The following TPST2 variants were observed in gnomAD, a reference collection of about 807,000 sequenced individuals.
TPST2 encodes protein-tyrosine sulfotransferase 2.
Under a neutral mutation model 27.8 loss-of-function variants are expected in TPST2, and 16 were observed. That is an observed-to-expected ratio of 0.58 (90% confidence interval 0.39 to 0.88). The LOEUF is 0.88. TPST2 is among the 40% of genes least tolerant of loss of function. The probability of loss-of-function intolerance (pLI) is 0.00; values close to 1 mark genes in which losing one functional copy is unlikely to be tolerated. For synonymous variants in TPST2, 229 were observed against 231.7 expected, an observed-to-expected ratio of 0.99 and a Z score of 0.10; for missense variants, 464 against 543.1, an observed-to-expected ratio of 0.85 and a Z score of 1.45.
At position 26,524,773 on chromosome 22, in the gene TPST2, G is replaced by GGGTTAACTC. The variant is rs1428201304; in HGVS notation, c.*1493_*1501dup. 6.6e-6 allele frequency: 1 copy of GGGTTAACTC among 152,206 alleles called. No homozygotes were observed. Among genetic ancestry groups the GGGTTAACTC allele is most frequent in the Non-Finnish European group, 1.5e-5 (1 of 68,044 alleles). The allele number at this position is 152,206 out of a possible 1,614,324, so 9.4% of individuals were successfully genotyped here. On this transcript the variant is annotated 3_prime_UTR_variant, in exon 7 of 7. Transcript: ENST00000338754. ...TCAGCATTTGGGGACTGTGCTATAA[G>GGGTTAACTC]GGTTAACTCAGCAGGCTTGAAGTGT...
intron 1 of TPST2, among the ~76,000 whole-genome samples, chr22:26,548,204 T>C (rs1219140563): frequency 2.0e-5 from 3 of 152,162 alleles, no homozygotes; most frequent in South Asian, 4.1e-4. Context: ...ATGTGGGGCA[T>C]GGTGGTTTAC....
In TPST2 at chr22:26,541,474, C is replaced by A. The variant is rs140501448; in HGVS notation, c.157G>T (p.Val53Leu). 36 of 1,610,910 alleles carry A rather than the reference C, an allele frequency of 2.2e-5. No homozygotes were observed. The African/African-American group carries it at 4.0e-4, about 18-fold the overall frequency. ...TCCACGTGGTTGGTGCCCACCATCA[C>A]CAGCTCCTCCTGCTCAGGCCGCATG... is the stretch of plus-strand genomic sequence containing the variant. ...GAMRPEQEEL[V>L]MVGTNHVEYR... The change falls in exon 3 of 7, where the codon GTG (valine) becomes TTG (leucine). Residue 53 changes from valine to leucine, a missense_variant. Val to Leu is a conservative substitution (Grantham distance 32). Transcript: ENST00000338754. This position sits in a 1 kb window ranked among gnomAD's most constrained non-coding sequence, Gnocchi z 5.9.
intron 1 of TPST2, among the ~76,000 whole-genome samples, chr22:26,557,850 C>T (rs1191862731): frequency 6.7e-6 from 1 of 149,828 alleles, no homozygotes; most frequent in Non-Finnish European, 1.5e-5. Flanking sequence ...AGTTCAAGAC[C>T]AGCCTGGGCA....
chr22:26,550,092 T>A (rs1413942448), intron 1 of TPST2, among the ~76,000 whole-genome samples: 1 of 150,536 alleles, frequency 6.6e-6, no homozygotes, highest in Admixed American at 6.6e-5. Context: ...GGGAGGAAAC[T>A]TTGCTCCCTC....
At chr22:26,561,165 G>A in intron 1 of TPST2, 1 of 1,598,994 alleles carries the variant, frequency 6.3e-7, no homozygotes. Context: ...TGAATAAGTT[G>A]GTTCTAGCGC....
At chr22:26,573,452 T>G (rs1009037604) in intron 1 of TPST2, among the ~76,000 whole-genome samples, 1 of 152,250 alleles carries the variant, frequency 6.6e-6, no homozygotes, top group Non-Finnish European at 1.5e-5. Context: ...AGTATCTTTA[T>G]TAACATGTCA....
At chr22:26,551,883 C>CTTTTTTTT (rs1163793644) in intron 1 of TPST2, among the ~76,000 whole-genome samples, 89 of 66,416 alleles carry the variant, frequency 1.3e-3, no homozygotes, top group Non-Finnish European at 2.0e-3. Context: ...TTTTCTTTTT[C>CTTTTTTTT]TTTTTTTTTT....
intron 1 of TPST2, among the ~76,000 whole-genome samples, chr22:26,558,497 A>G (rs965562470): frequency 2.0e-4 from 31 of 152,220 alleles, no homozygotes; most frequent in African/African-American, 7.2e-4. Flanking sequence ...GAAGGGAGAA[A>G]GCAGCAAAGG....
intron 1 of TPST2, among the ~76,000 whole-genome samples, chr22:26,579,251 T>C (rs763086181): frequency 6.6e-6 from 1 of 152,224 alleles, no homozygotes; most frequent in Non-Finnish European, 1.5e-5. Flanking sequence ...GAGCAAGGAA[T>C]GACCACGTAG....
intron 1 of TPST2, chr22:26,550,767 C>G (rs1926424133): frequency 1.7e-6 from 1 of 592,082 alleles, no homozygotes; most frequent in Admixed American, 6.3e-5. Context: ...TTCTGCAGAG[C>G]TGGGGAGACG....
chr22:26,581,439 A>G (rs1053067823), intron 1 of TPST2, among the ~76,000 whole-genome samples: 1 of 152,180 alleles, frequency 6.6e-6, no homozygotes, highest in African/African-American at 2.4e-5. Context: ...AGAAGGATGG[A>G]TTGAGAAAGA....
chr22:26,558,379 G>C (rs1205315764), intron 1 of TPST2, among the ~76,000 whole-genome samples: 1 of 152,094 alleles, frequency 6.6e-6, no homozygotes. Context: ...GACCTTAAGT[G>C]ATCTGCCTGC....
At chr22:26,584,884 G>A (rs942790996) in intron 1 of TPST2, among the ~76,000 whole-genome samples, 1 of 152,124 alleles carries the variant, frequency 6.6e-6, no homozygotes, top group Non-Finnish European at 1.5e-5. Context: ...TGTTGATATT[G>A]GCTGTATTTA....
intron 1 of TPST2, among the ~76,000 whole-genome samples, chr22:26,575,839 C>CA (rs1277806972): frequency 6.6e-6 from 1 of 151,792 alleles, no homozygotes; most frequent in African/African-American, 2.4e-5. Context: ...ACTAAAAATA[C>CA]AAAAAAATTA....
chr22:26,560,006 T>C (rs1055105303), intron 1 of TPST2, among the ~76,000 whole-genome samples: 2 of 152,214 alleles, frequency 1.3e-5, no homozygotes, highest in Admixed American at 6.5e-5. Context: ...TGTAATACGA[T>C]ATAAAATAAG....
At chr22:26,579,026 CT>C (rs1193092327) in intron 1 of TPST2, among the ~76,000 whole-genome samples, 1 of 151,908 alleles carries the variant, frequency 6.6e-6, no homozygotes, top group South Asian at 2.1e-4. Context: ...GATTTTTGTA[CT>C]TTTTTGTAGA....
Position 26,540,971 on chromosome 22 carries a change from C to T in TPST2, c.660G>A (p.Val220=), listed in dbSNP as rs1413482066. The T allele has an allele frequency of 6.2e-7, 1 of 1,614,090 alleles. No individual in the cohort carries two copies. The highest frequency in any genetic ancestry group is 8.5e-7 in the Non-Finnish European group (1 of 1,180,050). The part of the protein sequence containing the change: ...CLTKWNKAIE[V]MYAQCMEVGK... The stretch of plus-strand genomic sequence containing the variant: ...CTACCTCCATGCACTGGGCGTACAT[C>T]ACCTCGATGGCCTTGTTCCACTTGG... Residue 220 remains valine (V), a synonymous_variant, in exon 3 of 7, where the codon GTG becomes GTA. Coordinates refer to ENST00000338754, the MANE Select transcript of TPST2 (RefSeq NM_003595.5).
chr22:26,531,513 C>T (rs1569176885), intron 5 of TPST2, among the ~76,000 whole-genome samples: 1 of 152,242 alleles, frequency 6.6e-6, no homozygotes, highest in African/African-American at 2.4e-5. Context: ...CGGCCACACT[C>T]CCCACTTTCA....
At position 26,544,594 on chromosome 22, in the gene TPST2, G is replaced by T. The variant is rs1369838775; in HGVS notation, c.-89+10C>A. On this transcript the variant is annotated intron_variant, in intron 2 of 6. Coordinates refer to ENST00000338754, the MANE Select transcript of TPST2 (RefSeq NM_003595.5). The stretch of plus-strand genomic sequence containing the variant: ...GGACTCCAGGGGAAGTTCCTTCTAG[G>T]TGCACTTACCTCCCTTGGGCACTCT... 1 of 985,742 alleles carries T rather than the reference G, an allele frequency of 1.0e-6. No individual in the cohort carries two copies. Among genetic ancestry groups the T allele is most frequent in the Non-Finnish European group, 1.2e-6 (1 of 829,922 alleles). The allele number at this position is 985,742 out of a possible 1,614,324, so 61.1% of individuals were successfully genotyped here. A position where few individuals can be genotyped will look rare whatever the true frequency, so the allele number is the denominator to read the frequency against.
Sources: gnomAD v4.1 joint callset for allele counts (sites outside exome capture counted in the v4.1 genomes callset) on GRCh38, gnomAD v4.1.1 for gene constraint, Gnocchi (gnomAD v3.1) non-coding constraint, MANE v1.5 for transcripts, NCBI Gene and HGNC (gene_info 2026-07-23, HGNC 2026-07-21) for gene names.